Variants in PKIB observed in about 807,000 individuals in gnomAD.
PKIB encodes the protein PKI-beta.
In PKIB, 2 loss-of-function variants were observed where a neutral mutation model predicts 4.5. That is an observed-to-expected ratio of 0.44 (90% confidence interval 0.18 to 1.39). PKIB has a LOEUF of 1.39. Among genes scored for constraint, PKIB ranks in the 40% most tolerant of loss-of-function variants. The pLI is 0.27. For synonymous variants in PKIB, 38 were observed against 36.0 expected, an observed-to-expected ratio of 1.06 and a Z score of -0.20; for missense variants, 94 against 92.6, an observed-to-expected ratio of 1.02 and a Z score of -0.06.
intron 3 of PKIB, among the ~76,000 whole-genome samples, chr6:122,587,875 T>C (rs1392551669): frequency 3.3e-5 from 5 of 152,218 alleles, no homozygotes; most frequent in African/African-American, 9.6e-5. Context: ...GATGGGGTTG[T>C]TTTTTTCTTG....
intron 2 of PKIB, among the ~76,000 whole-genome samples, chr6:122,583,896 C>T (rs1773778856): frequency 6.6e-6 from 1 of 152,020 alleles, no homozygotes; most frequent in Non-Finnish European, 1.5e-5. Flanking sequence ...TGGGCTATGC[C>T]CCTTTTCGCA....
At chr6:122,522,006 T>G (rs530890663) in intron 2 of PKIB, among the ~76,000 whole-genome samples, 195 of 152,298 alleles carry the variant, frequency 1.3e-3, no homozygotes, top group South Asian at 5.4e-3. Flanking sequence ...CTGGGCCAAA[T>G]GCATTGTTGA....
intron 2 of PKIB, among the ~76,000 whole-genome samples, chr6:122,563,410 G>A (rs1481046760): frequency 6.6e-6 from 1 of 152,068 alleles, no homozygotes; most frequent in South Asian, 2.1e-4. Context: ...AGCTTTAGTG[G>A]TTTAATGCTC....
intron 1 of PKIB, among the ~76,000 whole-genome samples, chr6:122,628,507 T>C (rs1775559244): frequency 6.6e-6 from 1 of 152,224 alleles, no homozygotes; most frequent in African/African-American, 2.4e-5. Context: ...CTGAATATTT[T>C]TGAGCTTCAG....
Position 122,723,863 on chromosome 6 carries a change from T to G in PKIB, c.170-1265T>G, listed in dbSNP as rs552506584. On this transcript the variant is annotated intron_variant, in intron 4 of 4. Transcript: ENST00000368452. ...CCTGTTTTAATGTCTTCATTAGCCC[T>G]TTTTACTTCTTATTGACCACACATT... Among the ~76,000 whole-genome samples, 3 of 152,338 alleles carry G rather than the reference T, an allele frequency of 2.0e-5. No homozygotes were observed. The South Asian group carries it at 6.2e-4, about 32-fold the overall frequency.
intron 3 of PKIB, among the ~76,000 whole-genome samples, chr6:122,595,450 G>A (rs1405929493): frequency 6.6e-6 from 1 of 152,198 alleles, no homozygotes; most frequent in East Asian, 1.9e-4. Context: ...GCAATGCTGT[G>A]TGGAATATCA....
intron 2 of PKIB, among the ~76,000 whole-genome samples, chr6:122,660,492 A>C (rs1776941965): frequency 6.6e-6 from 1 of 152,156 alleles, no homozygotes. Context: ...AACCACAGAT[A>C]CGGTCACGTT....
intron 2 of PKIB, among the ~76,000 whole-genome samples, chr6:122,562,515 G>A (rs115744051): frequency 0.022 from 3,293 of 152,240 alleles, 117 homozygotes; most frequent in African/African-American, 0.074. Context: ...TAGCAAGGCT[G>A]GAGAAGTCTT....
intron 3 of PKIB, among the ~76,000 whole-genome samples, chr6:122,698,336 T>C (rs1778655012): frequency 6.6e-6 from 1 of 152,142 alleles, no homozygotes; most frequent in African/African-American, 2.4e-5. Flanking sequence ...AGATAGAATA[T>C]GCCAGAAGGG....
chr6:122,535,827 A>G (rs1167027280), intron 2 of PKIB, among the ~76,000 whole-genome samples: 1 of 152,194 alleles, frequency 6.6e-6, no homozygotes, highest in African/African-American at 2.4e-5. Context: ...TTTGTAATCT[A>G]ATGAACTAAT....
intron 3 of PKIB, among the ~76,000 whole-genome samples, chr6:122,601,050 A>G (rs537064910): frequency 6.7e-6 from 1 of 148,558 alleles, no homozygotes; most frequent in African/African-American, 2.4e-5. Context: ...AGCAGTTTAA[A>G]TATGACAGAG....
At chr6:122,630,161 G>A (rs190170367) in intron 1 of PKIB, among the ~76,000 whole-genome samples, 1 of 152,162 alleles carries the variant, frequency 6.6e-6, no homozygotes, top group African/African-American at 2.4e-5. Context: ...ATAGGACCTA[G>A]CAATTCCACT....
chr6:122,641,708 T>A (rs113990493), intron 2 of PKIB, among the ~76,000 whole-genome samples: 16 of 152,278 alleles, frequency 1.1e-4, no homozygotes, highest in African/African-American at 2.9e-4. Context: ...TATTATTATT[T>A]TTTGAGATGG....
chr6:122,718,028 G>C (rs1294092773), intron 4 of PKIB, 65 bp downstream of exon 4: 1 of 1,501,520 alleles, frequency 6.7e-7, no homozygotes, highest in Admixed American at 2.0e-5. Flanking sequence ...CTTTTCTCTG[G>C]ACAGTCTTTC....
At chr6:122,625,407 A>G (rs1775395494) in intron 1 of PKIB, among the ~76,000 whole-genome samples, 1 of 152,148 alleles carries the variant, frequency 6.6e-6, no homozygotes, top group Admixed American at 6.5e-5. Context: ...CCTCCATTGT[A>G]TCTACCACAT....
At chr6:122,579,943 A>G (rs954466435) in intron 2 of PKIB, among the ~76,000 whole-genome samples, 1 of 152,210 alleles carries the variant, frequency 6.6e-6, no homozygotes, top group African/African-American at 2.4e-5. Context: ...ATATAGATAC[A>G]TATTGTAGTT....
intron 3 of PKIB, among the ~76,000 whole-genome samples, chr6:122,691,123 C>T (rs1421157317): frequency 6.6e-6 from 1 of 151,782 alleles, no homozygotes; most frequent in East Asian, 1.9e-4. Context: ...CTTTCTTTAT[C>T]CTTGACCTTT....
chr6:122,600,002 T>G (rs184835028), intron 3 of PKIB, among the ~76,000 whole-genome samples: 5 of 150,406 alleles, frequency 3.3e-5, no homozygotes, highest in African/African-American at 5.0e-5. Flanking sequence ...TATATCTATA[T>G]CTATATCTAT....
At chr6:122,478,733 T>G (rs1775517129) in intron 2 of PKIB, 1 of 152,080 alleles carries the variant, frequency 6.6e-6, no homozygotes, top group Non-Finnish European at 1.5e-5. Flanking sequence ...AACCATGGAT[T>G]AAATGCCAAT....
Sources: gnomAD v4.1 joint callset for allele counts (sites outside exome capture counted in the v4.1 genomes callset) on GRCh38, gnomAD v4.1.1 for gene constraint, MANE v1.5 for transcripts, NCBI Gene and HGNC (gene_info 2026-07-23, HGNC 2026-07-21) for gene names.